Variants in TMPRSS3 observed in about 807,000 individuals in gnomAD.
The protein encoded by TMPRSS3 is transmembrane protease serine 3.
A neutral mutation model predicts 59.6 loss-of-function variants in TMPRSS3; 55 were observed. That is an observed-to-expected ratio of 0.92 (90% CI 0.74 to 1.16). TMPRSS3 has a LOEUF of 1.16. Among genes scored for constraint, TMPRSS3 ranks in the 50% most tolerant of loss-of-function variants. The pLI, the probability that TMPRSS3 is intolerant of heterozygous loss-of-function variation, is 0.00. For synonymous variants in TMPRSS3, 257 were observed against 237.7 expected, an observed-to-expected ratio of 1.08 and a Z score of -0.75; for missense variants, 596 against 579.4, an observed-to-expected ratio of 1.03 and a Z score of -0.29.
chr21:42,394,395 T>A (rs1323845925), intron 2 of TMPRSS3, among the ~76,000 whole-genome samples: 1 of 152,242 alleles, frequency 6.6e-6, no homozygotes, highest in African/African-American at 2.4e-5. Flanking sequence ...ATATCTGTAC[T>A]GTGCATGAAA....
At chr21:42,375,032 G>C (rs1192617112) in intron 12 of TMPRSS3, among the ~76,000 whole-genome samples, 1 of 151,858 alleles carries the variant, frequency 6.6e-6, no homozygotes, top group African/African-American at 2.4e-5. Context: ...ATGTTTCCCC[G>C]GCGCCCACAT....
chr21:42,382,380 T>C (rs1433140255), intron 8 of TMPRSS3, 146 bp from the exon 9 acceptor site: 10 of 742,676 alleles, frequency 1.3e-5, no homozygotes, highest in Non-Finnish European at 1.2e-5. Context: ...TTATGCTGTA[T>C]ATGCAACTGC....
chr21:42,380,816 G>T (rs1300967390), intron 9 of TMPRSS3, among the ~76,000 whole-genome samples: 1 of 152,262 alleles, frequency 6.6e-6, no homozygotes, highest in African/African-American at 2.4e-5. Flanking sequence ...GGGCTTTCGT[G>T]TGAACACACC....
intron 9 of TMPRSS3, among the ~76,000 whole-genome samples, chr21:42,381,126 TA>T (rs201147025): frequency 0.016 from 2,405 of 152,330 alleles, 62 homozygotes; most frequent in African/African-American, 0.055. Flanking sequence ...ACCTATTTAT[TA>T]TGCTTTCCCT....
chr21:42,390,122 C>T (rs1601533087), intron 2 of TMPRSS3, 85 bp from the exon 3 acceptor site: 11 of 1,042,410 alleles, frequency 1.1e-5, no homozygotes, highest in African/African-American at 1.6e-5. Flanking sequence ...TATCCTTTCC[C>T]CCTCCCCTCT....
At chr21:42,377,878 C>A (rs150605256) in intron 10 of TMPRSS3, among the ~76,000 whole-genome samples, 1 of 152,338 alleles carries the variant, frequency 6.6e-6, no homozygotes, top group African/African-American at 2.4e-5. Context: ...CTCGTCGGAC[C>A]TTTTGCACTG....
chr21:42,376,592 G>T lies in TMPRSS3; in HGVS notation c.1140C>A (p.Ser380=). 3 of 1,614,026 alleles carry T rather than the reference G, an allele frequency of 1.9e-6. No individual in the cohort carries two copies. Among genetic ancestry groups the T allele is most frequent in the Non-Finnish European group, 2.5e-6 (3 of 1,180,036 alleles). ...GGTAGCCCGCGCAGAGCATGGAGGG[G>T]GAGATGATGCCACCGTACACGTCCC... ...NHRDVYGGII[S]PSMLCAGYLT... Residue 380 remains serine, a synonymous_variant, in exon 11 of 13, where the codon TCC becomes TCA. Transcript: ENST00000644384.
At position 42,395,455 on chromosome 21, in the gene TMPRSS3, T is replaced by C. The variant is rs1601538574; in HGVS notation, c.-38A>G. On this transcript the variant is annotated 5_prime_UTR_variant, in exon 2 of 13. Transcript: ENST00000644384. ...AGGACCTCTGACATCCGGCTCCGCCTCCACCTCTACCTCCTTAGCCGAGGA... is the reference window on the plus strand; with the variant it reads ...AGGACCTCTGACATCCGGCTCCGCCCCCACCTCTACCTCCTTAGCCGAGGA... The C allele has an allele frequency of 6.5e-7, 1 of 1,549,930 alleles. No individual in the cohort carries two copies. The highest frequency in any genetic ancestry group is 1.1e-5 in the South Asian group (1 of 89,540).
rs78520553 is a variant in TMPRSS3, at chr21:42,395,046, G to A, written c.94+278C>T. Among the ~76,000 whole-genome samples, 1,741 of 152,238 alleles carry A rather than the reference G, an allele frequency of 0.011. 41 individuals are homozygous for A. Among genetic ancestry groups the A allele is most frequent in the African/African-American group, 0.04 (1,645 of 41,524 alleles). On this transcript the variant is annotated intron_variant, in intron 2 of 12. Coordinates refer to ENST00000644384, the MANE Select transcript of TMPRSS3 (RefSeq NM_001256317.3). ...CTGGCCAGGATCTGACCTCCTTCAGGATTGACAGGACAATTGTGGAGCCCC... is the reference window on the plus strand; with the variant it reads ...CTGGCCAGGATCTGACCTCCTTCAGAATTGACAGGACAATTGTGGAGCCCC...
intron 9 of TMPRSS3, among the ~76,000 whole-genome samples, chr21:42,380,839 G>A (rs1183288433): frequency 2.6e-5 from 4 of 152,240 alleles, no homozygotes; most frequent in Admixed American, 6.5e-5. Flanking sequence ...GAGGTTCCCC[G>A]AGCTTTTCTG....
chr21:42,382,866 G>T, intron 8 of TMPRSS3, 167 bp downstream of exon 8: 2 of 793,138 alleles, frequency 2.5e-6, no homozygotes, highest in Non-Finnish European at 2.1e-6. Flanking sequence ...CCCAGCTGAT[G>T]ATGATGGGTC....
In TMPRSS3 at chr21:42,382,223, G is replaced by C; in HGVS notation, c.794C>G (p.Pro265Arg). Residue 265 changes from proline to arginine, a missense_variant, in exon 9 of 13, where the codon CCC becomes CGC. Physicochemically the swap from Pro to Arg is moderately radical, Grantham distance 103. Transcript: ENST00000644384. ...AAHCVYDLYL[P>R]KSWTIQVGLV... is the part of the protein sequence containing the mutation. ...ACCCACCTGGATGGTCCATGACTTGGGGAGGTACAAGCTGAAATGAGAAGA... is the reference window on the plus strand; with the variant it reads ...ACCCACCTGGATGGTCCATGACTTGCGGAGGTACAAGCTGAAATGAGAAGA... 1.2e-6 allele frequency: 2 copies of C among 1,614,158 alleles called. No individual in the cohort carries two copies. Among genetic ancestry groups the C allele is most frequent in the Non-Finnish European group, 1.7e-6 (2 of 1,180,018 alleles).
chr21:42,386,708 C>T (rs1278846638), intron 5 of TMPRSS3, among the ~76,000 whole-genome samples: 3 of 151,750 alleles, frequency 2.0e-5, no homozygotes, highest in African/African-American at 7.3e-5. Context: ...GAGGCATGAA[C>T]TGTGTGTGGA....
intron 10 of TMPRSS3, among the ~76,000 whole-genome samples, chr21:42,377,010 C>A (rs1214515137): frequency 6.6e-6 from 1 of 152,180 alleles, no homozygotes; most frequent in Non-Finnish European, 1.5e-5. Flanking sequence ...AGGGCACCAG[C>A]CCAATCAGCC....
intron 9 of TMPRSS3, 54 bp from the exon 10 acceptor site, chr21:42,380,266 A>G: frequency 6.9e-7 from 1 of 1,445,602 alleles, no homozygotes; most frequent in Non-Finnish European, 9.7e-7. Flanking sequence ...AGTCCGAGAA[A>G]ACAATCTCAT....
chr21:42,382,221 T>TG lies in TMPRSS3; in HGVS notation c.795dup (p.Lys266GlnfsTer39). On this transcript the variant is annotated frameshift_variant, in exon 9 of 13. Transcript: ENST00000644384. LOFTEE classifies it high-confidence loss of function. ...AGACCCACCTGGATGGTCCATGACT[T>TG]GGGGAGGTACAAGCTGAAATGAGAA... 1 of 1,614,134 alleles carries TG rather than the reference T, an allele frequency of 6.2e-7. No individual in the cohort carries two copies. The highest frequency in any genetic ancestry group is 8.5e-7 in the Non-Finnish European group (1 of 1,180,004).
chr21:42,380,360 A>T, intron 9 of TMPRSS3, 148 bp from the exon 10 acceptor site: 1 of 718,066 alleles, frequency 1.4e-6, no homozygotes. Context: ...CGATCAGCTC[A>T]CAGCAGGAGC....
At position 42,388,799 on chromosome 21, in the gene TMPRSS3, C is replaced by T. The variant is rs2052681216; in HGVS notation, c.322+130G>A. 2.0e-6 allele frequency: 2 copies of T among 991,022 alleles called. No homozygotes were observed. Among genetic ancestry groups the T allele is most frequent in the East Asian group, 2.4e-5 (1 of 41,552 alleles). 61.4% of individuals were successfully genotyped at this position (991,022 alleles called of 1,614,324 possible). On this transcript the variant is annotated intron_variant, in intron 4 of 12. Coordinates refer to ENST00000644384, the MANE Select transcript of TMPRSS3 (RefSeq NM_001256317.3). This position sits in a 1 kb window ranked among gnomAD's most constrained non-coding sequence, Gnocchi z 5.1. ...AGCCCAACATGTCTTTGGGCAAACGCCAGTTCAATCCCAGCTGAAGACATG... is the reference window on the plus strand; with the variant it reads ...AGCCCAACATGTCTTTGGGCAAACGTCAGTTCAATCCCAGCTGAAGACATG...
intron 12 of TMPRSS3, 88 bp from the exon 13 acceptor site, chr21:42,372,867 C>G: frequency 6.5e-7 from 1 of 1,528,416 alleles, no homozygotes; most frequent in Non-Finnish European, 9.1e-7. Flanking sequence ...GCATTTTGCC[C>G]TGTGGGAATT....
Sources: gnomAD v4.1 joint callset for allele counts (sites outside exome capture counted in the v4.1 genomes callset) on GRCh38, gnomAD v4.1.1 for gene constraint, Gnocchi (gnomAD v3.1) non-coding constraint, MANE v1.5 for transcripts, NCBI Gene and HGNC (gene_info 2026-07-23, HGNC 2026-07-21) for gene names.